CCDC73: variants seen among roughly 807,000 people sequenced by gnomAD.
CCDC73 encodes coiled-coil domain containing 73.
Under a neutral mutation model 116.5 loss-of-function variants are expected in CCDC73, and 95 were observed. The observed-to-expected ratio is 0.82, with a 90% CI of 0.69 to 0.97. The LOEUF (loss-of-function observed/expected upper bound fraction) is 0.97, where lower values mean the gene tolerates loss of function less well. CCDC73 is among the 50% of genes least tolerant of loss of function. The pLI is 0.00. For synonymous variants in CCDC73, 398 were observed against 401.3 expected (o/e 0.99, Z 0.10); for missense variants, 1,066 against 1,206.8 (o/e 0.88, Z 1.73).
At chr11:32,645,291 CTT>C (rs397689348) in intron 12 of CCDC73, among the ~76,000 whole-genome samples, 24 of 121,066 alleles carry the variant, frequency 2.0e-4, no homozygotes, top group Non-Finnish European at 3.3e-4. Flanking sequence ...TTTTCTTTTT[CTT>C]TTTTTTTTTT....
chr11:32,619,112 G>C (rs1855500131), intron 14 of CCDC73, among the ~76,000 whole-genome samples: 1 of 152,130 alleles, frequency 6.6e-6, no homozygotes, highest in South Asian at 2.1e-4. Flanking sequence ...TGCATGGGTT[G>C]TCTATTTACT....
upstream of CCDC73, among the ~76,000 whole-genome samples, chr11:32,798,586 G>T (rs1305003596): frequency 6.6e-6 from 1 of 152,178 alleles, no homozygotes; most frequent in Non-Finnish European, 1.5e-5. Context: ...GATTACAGGC[G>T]TGAACCACTG....
At chr11:32,788,875 G>A (rs1199621216) in intron 1 of CCDC73, among the ~76,000 whole-genome samples, 1 of 151,968 alleles carries the variant, frequency 6.6e-6, no homozygotes, top group Non-Finnish European at 1.5e-5. Flanking sequence ...CAAAAGACAT[G>A]GTAGATAAAC....
At chr11:32,651,257 G>T (rs1473498775) in intron 12 of CCDC73, among the ~76,000 whole-genome samples, 1 of 152,094 alleles carries the variant, frequency 6.6e-6, no homozygotes, top group Non-Finnish European at 1.5e-5. Flanking sequence ...TACCTGGACT[G>T]GGGATTCATC....
At chr11:32,818,459 C>A in the CCDC73 span, among the ~76,000 whole-genome samples, 1 of 152,216 alleles carries the variant, frequency 6.6e-6, no homozygotes, top group Admixed American at 6.5e-5. Flanking sequence ...AAGTGCTTAG[C>A]CAAGTACCAC....
intron 2 of CCDC73, among the ~76,000 whole-genome samples, chr11:32,755,547 A>ATATATATATATATATG (rs796927247): frequency 0.074 from 6,966 of 93,754 alleles, 1,735 homozygotes; most frequent in East Asian, 0.6. Context: ...ATATATATAT[A>ATATATATATATATATG]TATATATATA....
chr11:32,770,927 T>C (rs1244679332), intron 1 of CCDC73, among the ~76,000 whole-genome samples: 1 of 152,090 alleles, frequency 6.6e-6, no homozygotes, highest in African/African-American at 2.4e-5. Flanking sequence ...CAGTAAGAAA[T>C]AGCTCAAATA....
intron 12 of CCDC73, among the ~76,000 whole-genome samples, chr11:32,642,970 T>C (rs1001849547): frequency 2.0e-5 from 3 of 151,472 alleles, no homozygotes; most frequent in Non-Finnish European, 4.4e-5. Flanking sequence ...TATATAACCA[T>C]AAAAGTACGT....
intron 2 of CCDC73, among the ~76,000 whole-genome samples, chr11:32,724,624 T>C (rs1196282196): frequency 6.6e-6 from 1 of 152,166 alleles, no homozygotes; most frequent in Admixed American, 6.5e-5. Context: ...TCTGTATTTC[T>C]AGTTTTTCTT....
At chr11:32,664,555 T>C (rs1855962389) in intron 9 of CCDC73, among the ~76,000 whole-genome samples, 1 of 152,208 alleles carries the variant, frequency 6.6e-6, no homozygotes, top group African/African-American at 2.4e-5. Flanking sequence ...ATTGTGTCTA[T>C]TTGATTCTTC....
At chr11:32,820,550 CTT>C in the CCDC73 span, among the ~76,000 whole-genome samples, 1 of 152,164 alleles carries the variant, frequency 6.6e-6, no homozygotes, top group South Asian at 2.1e-4. Context: ...CATGAGATAT[CTT>C]TATAAATCAG....
the CCDC73 span, chr11:32,829,675 G>C: frequency 7.7e-6 from 6 of 778,334 alleles, no homozygotes; most frequent in Non-Finnish European, 9.4e-6. Context: ...AATGCTTCCT[G>C]AATTAGGATC....
chr11:32,775,062 T>C (rs571888834), intron 1 of CCDC73, among the ~76,000 whole-genome samples: 42 of 152,322 alleles, frequency 2.8e-4, no homozygotes, highest in African/African-American at 9.4e-4. Flanking sequence ...TATGTTTATA[T>C]AGTTTATCAT....
At chr11:32,657,865 T>C (rs1461146165) in intron 9 of CCDC73, among the ~76,000 whole-genome samples, 1 of 152,004 alleles carries the variant, frequency 6.6e-6, no homozygotes, top group East Asian at 1.9e-4. Flanking sequence ...CCAGGCATGA[T>C]GGTGTATGCC....
chr11:32,741,452 T>C (rs1850185317), intron 2 of CCDC73, among the ~76,000 whole-genome samples: 1 of 152,042 alleles, frequency 6.6e-6, no homozygotes, highest in Non-Finnish European at 1.5e-5. Context: ...AACACCTTCT[T>C]TGTTTTCTCA....
rs200882817 is a variant in CCDC73, at chr11:32,703,612, GACA to G, written c.208-671_208-669del. 7.1e-3 allele frequency among the ~76,000 whole-genome samples: 1,087 copies of G among 152,030 alleles called. 17 individuals are homozygous for G. Among genetic ancestry groups the G allele is most frequent in the African/African-American group, 0.025 (1,045 of 41,476 alleles). ...AGACTGTTAGAGTTTCAAAAACAAT[GACA>G]ACAACAACAACAACAAAAACCAGTT... is the stretch of plus-strand genomic sequence containing the variant. On this transcript the variant is annotated intron_variant, in intron 3 of 17. Coordinates refer to ENST00000335185, the MANE Select transcript of CCDC73 (RefSeq NM_001008391.4).
the CCDC73 span, among the ~76,000 whole-genome samples, chr11:32,822,349 T>C: frequency 1.8e-4 from 28 of 152,208 alleles, no homozygotes; most frequent in African/African-American, 6.0e-4. Context: ...GGTTTATCTG[T>C]AGCATGTTGA....
At chr11:32,823,781 C>T in the CCDC73 span, among the ~76,000 whole-genome samples, 1 of 152,014 alleles carries the variant, frequency 6.6e-6, no homozygotes, top group Non-Finnish European at 1.5e-5. Context: ...GCTCTATTGC[C>T]CAAGCTGGAG....
intron 6 of CCDC73, among the ~76,000 whole-genome samples, chr11:32,693,958 A>C (rs186426673): frequency 6.6e-6 from 1 of 152,374 alleles, no homozygotes; most frequent in East Asian, 1.9e-4. Context: ...AGCCAATATC[A>C]TACTGAATGG....
Sources: allele counts gnomAD v4.1 joint callset (sites outside exome capture counted in the v4.1 genomes callset), GRCh38; gene constraint gnomAD v4.1.1; transcripts MANE v1.5; gene names NCBI Gene and HGNC (gene_info 2026-07-23, HGNC 2026-07-21).